MAPKBP1: variants seen among roughly 807,000 people sequenced by gnomAD.
MAPKBP1 encodes the protein mitogen-activated protein kinase-binding protein 1.
In MAPKBP1, 71 loss-of-function variants were observed where a neutral mutation model predicts 170.5. The ratio of observed to expected loss-of-function variants is 0.42; its 90% CI spans 0.34 to 0.51. MAPKBP1 has a LOEUF of 0.51. Among genes scored for constraint, MAPKBP1 ranks in the 20% least tolerant of loss-of-function variants. MAPKBP1 has a pLI of 0.06. For missense variants in MAPKBP1, 1,598 were observed against 1,933.0 expected (o/e 0.83, Z 3.25); for synonymous variants, 719 against 757.9 (o/e 0.95, Z 0.84).
intron 2 of MAPKBP1, 121 bp from the exon 3 acceptor site, chr15:41,799,702 C>A: frequency 2.8e-6 from 2 of 707,102 alleles, no homozygotes; most frequent in Admixed American, 2.4e-5. Flanking sequence ...TAGCTCCATT[C>A]TCCTGAAAAC....
At chr15:41,791,884 C>T (rs1359319758) in intron 2 of MAPKBP1, among the ~76,000 whole-genome samples, 2 of 151,966 alleles carry the variant, frequency 1.3e-5, no homozygotes, top group South Asian at 2.1e-4. Context: ...GGAGAAACCC[C>T]GTCTCTACTA....
chr15:41,789,560 C>T (rs958836303), intron 2 of MAPKBP1, among the ~76,000 whole-genome samples: 4 of 152,174 alleles, frequency 2.6e-5, no homozygotes, highest in Non-Finnish European at 5.9e-5. Context: ...ATCAGCTTCT[C>T]CTGCTTCTGA....
At chr15:41,781,295 C>T (rs551312668) in intron 2 of MAPKBP1, among the ~76,000 whole-genome samples, 2 of 151,920 alleles carry the variant, frequency 1.3e-5, no homozygotes, top group African/African-American at 2.4e-5. Flanking sequence ...AGGCTGGTCT[C>T]GAACTCCTGA....
intron 3 of MAPKBP1, chr15:41,810,667 AT>A: frequency 1.9e-6 from 1 of 530,448 alleles, no homozygotes; most frequent in Middle Eastern, 5.0e-4. Context: ...GCACTGAGCC[AT>A]GTTTGCACCA....
At chr15:41,822,164 T>A (rs1197436741) in intron 25 of MAPKBP1, 54 bp downstream of exon 25, 22 of 1,096,520 alleles carry the variant, frequency 2.0e-5, no homozygotes, top group Non-Finnish European at 3.0e-5. Flanking sequence ...TGGAGGTGGG[T>A]GGGGAGGCTC....
At position 41,817,893 on chromosome 15, in the gene MAPKBP1, C is replaced by A; in HGVS notation, c.1905-116C>A. ...CACCCAAGAGGTGGTAGCCTGTTTG[C>A]TGCTGGGGGTAGCTCCCAGAGAGTG... On this transcript the variant is annotated intron_variant, in intron 16 of 30. Coordinates refer to ENST00000457542, the MANE Select transcript of MAPKBP1 (RefSeq NM_014994.3). The surrounding 1 kb of genome is among the most constrained non-coding windows in gnomAD (Gnocchi z 4.2). The A allele has an allele frequency of 6.6e-7, 1 of 1,520,176 alleles. No homozygotes were observed. Among genetic ancestry groups the A allele is most frequent in the Non-Finnish European group, 9.1e-7 (1 of 1,101,436 alleles). 94.2% of individuals were successfully genotyped at this position (1,520,176 alleles called of 1,614,324 possible). A position where few individuals can be genotyped will look rare whatever the true frequency, so the allele number is the denominator to read the frequency against.
intron 5 of MAPKBP1, 56 bp from the exon 6 acceptor site, chr15:41,811,901 G>A: frequency 5.0e-6 from 8 of 1,588,204 alleles, no homozygotes; most frequent in South Asian, 3.4e-5. Context: ...GACGAAGTGG[G>A]GCTGTATGCC....
chr15:41,802,987 C>G (rs1410654532), intron 3 of MAPKBP1, among the ~76,000 whole-genome samples: 1 of 152,112 alleles, frequency 6.6e-6, no homozygotes, highest in African/African-American at 2.4e-5. Context: ...TCGCTGTTGA[C>G]CAAAATGTTA....
Position 41,811,301 on chromosome 15 carries a change from G to A in MAPKBP1, c.327+66G>A, listed in dbSNP as rs1012991840. 18 of 1,565,592 alleles carry A rather than the reference G, an allele frequency of 1.1e-5. No homozygotes were observed. The African/African-American group carries it at 2.3e-4, about 20-fold the overall frequency. On this transcript the variant is annotated intron_variant, in intron 5 of 30. Transcript: ENST00000457542. Reference sequence around the variant, plus strand: ...GGTGTCCTGGCCTCCGCAGAGAGCTGCGGTCCTAGGCCTGCTGTCACTTTG... The same window carrying A: ...GGTGTCCTGGCCTCCGCAGAGAGCTACGGTCCTAGGCCTGCTGTCACTTTG...
intron 2 of MAPKBP1, among the ~76,000 whole-genome samples, chr15:41,784,094 C>T (rs1194238488): frequency 6.6e-6 from 1 of 152,214 alleles, no homozygotes; most frequent in Non-Finnish European, 1.5e-5. Flanking sequence ...AAACTTGTAA[C>T]ATGCAGGCCT....
Position 41,817,890 on chromosome 15 carries a change from T to G in MAPKBP1, c.1905-119T>G. The G allele has an allele frequency of 6.6e-7, 1 of 1,526,448 alleles. No individual in the cohort carries two copies. Among genetic ancestry groups the G allele is most frequent in the African/African-American group, 1.4e-5 (1 of 73,290 alleles). The allele number at this position is 1,526,448 out of a possible 1,614,324, so 94.6% of individuals were successfully genotyped here. A position where few individuals can be genotyped will look rare whatever the true frequency, so the allele number is the denominator to read the frequency against. On this transcript the variant is annotated intron_variant, in intron 16 of 30. Coordinates refer to ENST00000457542, the MANE Select transcript of MAPKBP1 (RefSeq NM_014994.3). This position sits in a 1 kb window ranked among gnomAD's most constrained non-coding sequence, Gnocchi z 4.2. Reference sequence around the variant, plus strand: ...CTTCACCCAAGAGGTGGTAGCCTGTTTGCTGCTGGGGGTAGCTCCCAGAGA... The same window carrying G: ...CTTCACCCAAGAGGTGGTAGCCTGTGTGCTGCTGGGGGTAGCTCCCAGAGA...
At chr15:41,811,289 C>A (rs2064801493) in intron 5 of MAPKBP1, 54 bp downstream of exon 5, 1 of 1,597,902 alleles carries the variant, frequency 6.3e-7, no homozygotes, top group African/African-American at 1.3e-5. Flanking sequence ...GTCCTGGCCT[C>A]CGCAGAGAGC....
In MAPKBP1 at chr15:41,822,945, A is replaced by G. The variant is rs754089750; in HGVS notation, c.3321A>G (p.Pro1107=). Reference sequence around the variant, plus strand: ...CCACATGTTCTCCCTGTAGGGAACCATCCCCATCCTCCTCAAGCCTGGCAC... The same window carrying G: ...CCACATGTTCTCCCTGTAGGGAACCGTCCCCATCCTCCTCAAGCCTGGCAC... ...LQVQTRPLRE[P]SPSSSSLALM... The change falls in exon 28 of 31, where the codon CCA becomes CCG. Residue 1107 remains proline, a synonymous_variant. Coordinates refer to ENST00000457542, the MANE Select transcript of MAPKBP1 (RefSeq NM_014994.3). The G allele has an allele frequency of 7.5e-6, 12 of 1,605,612 alleles. No homozygotes were observed. Among genetic ancestry groups the G allele is most frequent in the Non-Finnish European group, 1.0e-5 (12 of 1,173,768 alleles).
rs144408089 is a variant in MAPKBP1, at chr15:41,823,513, A to G, written c.3665A>G (p.Gln1222Arg). 22 of 1,614,024 alleles carry G rather than the reference A, an allele frequency of 1.4e-5. No homozygotes were observed. The African/African-American group carries it at 2.7e-4, about 20-fold the overall frequency. ...GALLSREIEA[Q>R]DGLGSLPPAD... ...CTGCTGTCTCGGGAGATCGAAGCTC[A>G]GGATGGTCTGGGCTCCCTGCCCCCA... Residue 1222 changes from glutamine to arginine, a missense_variant, in exon 29 of 31, where the codon CAG (glutamine) becomes CGG (arginine). By Grantham distance (43) the Gln-to-Arg change is conservative. Around this residue, in one of 6 missense-constraint regions of MAPKBP1, gnomAD observed 942 missense variants for 953.2 expected, o/e 0.99. Transcript: ENST00000457542.
intron 2 of MAPKBP1, among the ~76,000 whole-genome samples, chr15:41,794,247 C>A (rs2064446223): frequency 6.6e-6 from 1 of 152,070 alleles, no homozygotes; most frequent in South Asian, 2.1e-4. Flanking sequence ...GCAACAACAA[C>A]AAACCAGATG....
intron 26 of MAPKBP1, 68 bp downstream of exon 26, chr15:41,822,490 G>A (rs893185539): frequency 1.2e-6 from 2 of 1,603,094 alleles, no homozygotes; most frequent in Non-Finnish European, 1.7e-6. Context: ...TACCTGAGAG[G>A]AGGGTCCCAG....
rs1029115264 is a variant in MAPKBP1 at position 41,777,175 on chromosome 15, T to C, written c.114+1786T>C. 2.0e-5 allele frequency among the ~76,000 whole-genome samples: 3 copies of C among 152,042 alleles called. No individual in the cohort carries two copies. In the East Asian group the frequency reaches 5.8e-4, roughly 29 times the overall value. Reference sequence around the variant, plus strand: ...GGTCAAGATGGTGAAACCTCATCTCTACTAAAAATACAAAAATTAGCCGGG... The same window carrying C: ...GGTCAAGATGGTGAAACCTCATCTCCACTAAAAATACAAAAATTAGCCGGG... On this transcript the variant is annotated intron_variant, in intron 2 of 30. Coordinates refer to ENST00000457542, the MANE Select transcript of MAPKBP1 (RefSeq NM_014994.3).
intron 3 of MAPKBP1, among the ~76,000 whole-genome samples, chr15:41,809,660 C>T (rs971357007): frequency 2.6e-5 from 4 of 152,212 alleles, no homozygotes; most frequent in African/African-American, 9.7e-5. Flanking sequence ...GAAGGGGCAA[C>T]GGGCCAGGGC....
In MAPKBP1 at chr15:41,819,319, G is replaced by A. The variant is rs139051499; in HGVS notation, c.2365G>A (p.Gly789Arg). ...CAGTGACAAGGAGGGAGAAGATGAG[G>A]GGACTGAAGAAGAACTTCCAGCACT... The part of the protein sequence containing the change: ...SDSDKEGEDE[G>R]TEEELPALPV... Residue 789 changes from glycine (G) to arginine (R), a missense_variant, in exon 21 of 31, where the codon GGG (glycine) becomes AGG (arginine). Transcript: ENST00000457542. 8.7e-6 allele frequency: 14 copies of A among 1,614,076 alleles called. No homozygotes were observed. The African/African-American group carries it at 1.3e-4, about 15-fold the overall frequency.
Sources: allele counts gnomAD v4.1 joint callset (sites outside exome capture counted in the v4.1 genomes callset), GRCh38; gene constraint gnomAD v4.1.1; regional missense constraint gnomAD v4.1.1; non-coding constraint Gnocchi (gnomAD v3.1); transcripts MANE v1.5; gene names NCBI Gene and HGNC (gene_info 2026-07-23, HGNC 2026-07-21).